TMEM132D: variants seen among roughly 807,000 people sequenced by gnomAD.
TMEM132D encodes transmembrane protein 132D.
A neutral mutation model predicts 62.3 loss-of-function variants in TMEM132D; 21 were observed. That is an observed-to-expected ratio of 0.34 (90% CI 0.24 to 0.49). TMEM132D has a LOEUF of 0.49. Among genes scored for constraint, TMEM132D ranks in the 20% least tolerant of loss-of-function variants. The pLI, the probability that TMEM132D is intolerant of heterozygous loss-of-function variation, is 0.99. For missense variants in TMEM132D, 1,346 were observed against 1,402.8 expected, an observed-to-expected ratio of 0.96 and a Z score of 0.65; for synonymous variants, 621 against 575.6, an observed-to-expected ratio of 1.08 and a Z score of -1.13.
chr12:129,273,667 C>T (rs773201113), intron 4 of TMEM132D, among the ~76,000 whole-genome samples: 2 of 151,836 alleles, frequency 1.3e-5, no homozygotes, highest in Non-Finnish European at 1.5e-5. Flanking sequence ...AATGCATGAA[C>T]GAAAAACCAG....
intron 3 of TMEM132D, among the ~76,000 whole-genome samples, chr12:129,485,851 G>A (rs1593032794): frequency 1.1e-5 from 1 of 90,584 alleles, no homozygotes; most frequent in South Asian, 3.0e-4. Flanking sequence ...TTGTCATGGT[G>A]GGAGAACAGA....
chr12:129,533,958 G>A (rs1304970849), intron 2 of TMEM132D, among the ~76,000 whole-genome samples: 1 of 152,202 alleles, frequency 6.6e-6, no homozygotes, highest in Non-Finnish European at 1.5e-5. Flanking sequence ...CGGAGATGTA[G>A]ACACGGTATT....
At chr12:129,897,559 G>A (rs1355702035) in intron 1 of TMEM132D, among the ~76,000 whole-genome samples, 1 of 151,672 alleles carries the variant, frequency 6.6e-6, no homozygotes, top group East Asian at 1.9e-4. Context: ...TGGGGGAGGA[G>A]GAAAATAAAA....
At chr12:129,716,640 T>C (rs264478) in intron 1 of TMEM132D, among the ~76,000 whole-genome samples, 151,568 of 152,296 alleles carry the variant, frequency 1, 75,427 homozygotes, top group Middle Eastern at 1. Context: ...AGTTATCCTG[T>C]ATGGCAAAGG....
chr12:129,133,779 C>G (rs1048043561), intron 5 of TMEM132D, among the ~76,000 whole-genome samples: 7 of 152,242 alleles, frequency 4.6e-5, no homozygotes, highest in African/African-American at 1.4e-4. Flanking sequence ...AGTGAAGTAC[C>G]TCATTTCCTT....
intron 1 of TMEM132D, among the ~76,000 whole-genome samples, chr12:129,894,389 G>T (rs1400502412): frequency 6.6e-6 from 1 of 152,178 alleles, no homozygotes; most frequent in Non-Finnish European, 1.5e-5. Flanking sequence ...TTTGGGAGGG[G>T]ACTCAGCCAA....
chr12:129,426,903 C>T (rs1179558561), intron 3 of TMEM132D, among the ~76,000 whole-genome samples: 1 of 152,178 alleles, frequency 6.6e-6, no homozygotes, highest in African/African-American at 2.4e-5. Context: ...CATTCTCACC[C>T]GTGGCCTCTC....
intron 3 of TMEM132D, among the ~76,000 whole-genome samples, chr12:129,465,206 C>A (rs1406253938): frequency 6.6e-6 from 1 of 152,080 alleles, no homozygotes; most frequent in African/African-American, 2.4e-5. Context: ...AATTTGGATT[C>A]CTAAGTATTT....
intron 4 of TMEM132D, among the ~76,000 whole-genome samples, chr12:129,238,996 G>GTTTC (rs1879860930): frequency 1.5e-5 from 2 of 133,046 alleles, no homozygotes; most frequent in African/African-American, 5.7e-5. Flanking sequence ...GTTATTTTCT[G>GTTTC]TTTTTTTTTT....
chr12:129,875,217 G>A (rs1435099556), intron 1 of TMEM132D, among the ~76,000 whole-genome samples: 1 of 152,196 alleles, frequency 6.6e-6, no homozygotes, highest in Non-Finnish European at 1.5e-5. Flanking sequence ...CAGACAAAGT[G>A]CGCAAGGTCG....
intron 3 of TMEM132D, among the ~76,000 whole-genome samples, chr12:129,495,944 C>G (rs1336315715): frequency 1.3e-5 from 2 of 152,118 alleles, no homozygotes; most frequent in Non-Finnish European, 2.9e-5. Context: ...TTTACTTTTA[C>G]AAGTCCATTA....
intron 5 of TMEM132D, among the ~76,000 whole-genome samples, chr12:129,206,333 C>T (rs1256565479): frequency 6.6e-6 from 1 of 152,048 alleles, no homozygotes; most frequent in Non-Finnish European, 1.5e-5. Context: ...TATATATGGC[C>T]AATAAGCATA....
chr12:129,480,578 G>C (rs2137053009), intron 3 of TMEM132D, among the ~76,000 whole-genome samples: 1 of 152,236 alleles, frequency 6.6e-6, no homozygotes, highest in Non-Finnish European at 1.5e-5. Context: ...GCAGTAATAG[G>C]GACGTTCTCT....
At chr12:129,129,844 C>T (rs1876320539) in intron 5 of TMEM132D, among the ~76,000 whole-genome samples, 1 of 152,096 alleles carries the variant, frequency 6.6e-6, no homozygotes, top group Admixed American at 6.5e-5. Context: ...TTTATGCCTC[C>T]TCAGGTCCTC....
chr12:129,513,758 T>A (rs754394794), intron 3 of TMEM132D, among the ~76,000 whole-genome samples: 17 of 151,326 alleles, frequency 1.1e-4, no homozygotes, highest in Non-Finnish European at 1.3e-4. Context: ...GTGCTGGGAT[T>A]ACAGGCGTGA....
chr12:129,418,562 G>T (rs1872198343), intron 3 of TMEM132D, among the ~76,000 whole-genome samples: 1 of 152,054 alleles, frequency 6.6e-6, no homozygotes, highest in African/African-American at 2.4e-5. Flanking sequence ...GCCTGTTGGT[G>T]GGTGGGGGAC....
rs1050744765 is a variant in TMEM132D, at chr12:129,371,606, T to C, written c.1116-33789A>G. Reference sequence around the variant, plus strand: ...TGATAGTAACAATGATCATGGCAGATTGTGGTGATGATGATGGTGGTGATG... The same window carrying C: ...TGATAGTAACAATGATCATGGCAGACTGTGGTGATGATGATGGTGGTGATG... On this transcript the variant is annotated intron_variant, in intron 3 of 8. Coordinates refer to ENST00000422113, the MANE Select transcript of TMEM132D (RefSeq NM_133448.3). This position sits in a 1 kb window ranked among gnomAD's most constrained non-coding sequence, Gnocchi z 4.3. Among the ~76,000 whole-genome samples the C allele has an allele frequency of 1.3e-5, 2 of 151,650 alleles. No individual in the cohort carries two copies. Among genetic ancestry groups the C allele is most frequent in the African/African-American group, 4.9e-5 (2 of 41,236 alleles).
intron 2 of TMEM132D, among the ~76,000 whole-genome samples, chr12:129,623,242 T>C (rs1879120903): frequency 6.6e-6 from 1 of 152,212 alleles, no homozygotes; most frequent in Non-Finnish European, 1.5e-5. Flanking sequence ...GCACTTTTTG[T>C]TACTGTGTTG....
intron 3 of TMEM132D, among the ~76,000 whole-genome samples, chr12:129,358,955 GCTTT>G (rs1387628207): frequency 2.0e-5 from 2 of 97,974 alleles, no homozygotes; most frequent in Non-Finnish European, 4.4e-5. Context: ...GAAATTTCAA[GCTTT>G]TTTTTTTTTT....
Sources: gnomAD v4.1 joint callset for allele counts (sites outside exome capture counted in the v4.1 genomes callset) on GRCh38, gnomAD v4.1.1 for gene constraint, Gnocchi (gnomAD v3.1) non-coding constraint, MANE v1.5 for transcripts, NCBI Gene and HGNC (gene_info 2026-07-23, HGNC 2026-07-21) for gene names.